The following STXBP5L variants were observed in gnomAD, a reference collection of about 807,000 sequenced individuals.
The protein encoded by STXBP5L is syntaxin binding protein 5L.
STXBP5L carries 65 observed loss-of-function variants against 144.5 expected under a neutral mutation model. The ratio of observed to expected loss-of-function variants is 0.45; its 90% CI spans 0.37 to 0.55. The LOEUF (loss-of-function observed/expected upper bound fraction) is 0.55. STXBP5L is among the 20% of genes least tolerant of loss of function. STXBP5L has a pLI of 0.00. For synonymous variants in STXBP5L, 505 were observed against 469.6 expected (o/e 1.08, Z -0.97); for missense variants, 1,298 against 1,405.5 (o/e 0.92, Z 1.22).
In STXBP5L at chr3:121,420,644, T is replaced by C. The variant is rs74611337; in HGVS notation, c.*1547T>C. On this transcript the variant is annotated 3_prime_UTR_variant, in exon 27 of 27. Coordinates refer to ENST00000471454, the MANE Select transcript of STXBP5L (RefSeq NM_001308330.2). ...ACATTCCAGGACCCATCCTGTAATA[T>C]GTTGTTTCGTCAAGAAAAGTTTTAA... 6.6e-6 allele frequency: 1 copy of C among 152,170 alleles called. No homozygotes were observed. The highest frequency in any genetic ancestry group is 1.5e-5 in the Non-Finnish European group (1 of 68,012). The allele number at this position is 152,170 out of a possible 1,614,324, so 9.4% of individuals were successfully genotyped here. A position where few individuals can be genotyped will look rare whatever the true frequency, so the allele number is the denominator to read the frequency against.
chr3:121,381,622 G>T, intron 22 of STXBP5L, 90 bp downstream of exon 22: 1 of 1,511,996 alleles, frequency 6.6e-7, no homozygotes, highest in Non-Finnish European at 8.9e-7. Context: ...TTGATTTGGA[G>T]CAAAGGTTAT....
At chr3:121,354,886 G>C (rs2045445084) in intron 20 of STXBP5L, among the ~76,000 whole-genome samples, 1 of 152,128 alleles carries the variant, frequency 6.6e-6, no homozygotes, top group South Asian at 2.1e-4. Context: ...AGGCAGGCTT[G>C]GTGGTGACAA....
rs558521353 is a variant in STXBP5L, at chr3:121,094,625, G to A, written c.471-20300G>A. Reference sequence around the variant, plus strand: ...CCTTTTTTTGTTTTCCATTTGCTTGGTAGATCTTCCTCCATCCTTTTATTT... The same window carrying A: ...CCTTTTTTTGTTTTCCATTTGCTTGATAGATCTTCCTCCATCCTTTTATTT... On this transcript the variant is annotated intron_variant, in intron 5 of 26. Coordinates refer to ENST00000471454, the MANE Select transcript of STXBP5L (RefSeq NM_001308330.2). Among the ~76,000 whole-genome samples the A allele has an allele frequency of 1.3e-3, 194 of 151,924 alleles. 1 individual carries two copies. Among genetic ancestry groups the A allele is most frequent in the African/African-American group, 4.5e-3 (186 of 41,410 alleles).
intron 10 of STXBP5L, among the ~76,000 whole-genome samples, chr3:121,217,860 G>T (rs889326229): frequency 5.9e-5 from 9 of 151,356 alleles, no homozygotes; most frequent in Non-Finnish European, 1.5e-5. Flanking sequence ...TACATGCCTG[G>T]ACTTTATGAC....
intron 9 of STXBP5L, among the ~76,000 whole-genome samples, chr3:121,195,515 C>A (rs2047887929): frequency 6.6e-6 from 1 of 152,090 alleles, no homozygotes; most frequent in African/African-American, 2.4e-5. Flanking sequence ...TGAGATAATG[C>A]AATATTTGTC....
rs1431687180 is a variant in STXBP5L at position 121,045,459 on chromosome 3, G to T, written c.394G>T (p.Asp132Tyr). Residue 132 changes from aspartate to tyrosine, a missense_variant, in exon 5 of 27, where the codon GAT (aspartate) becomes TAT (tyrosine). Asp to Tyr is a radical substitution (Grantham distance 160). Transcript: ENST00000471454. ...NEGALVSASS[D>Y]DTLHLWNLRQ... is the part of the protein sequence containing the mutation. ...GGGTGCCTTGGTCAGTGCAAGTTCAGATGATACACTTCATTTGTGGAACCT... is the reference window on the plus strand; with the variant it reads ...GGGTGCCTTGGTCAGTGCAAGTTCATATGATACACTTCATTTGTGGAACCT... The T allele has an allele frequency of 1.2e-5, 20 of 1,612,930 alleles. No homozygotes were observed. Among genetic ancestry groups the T allele is most frequent in the Non-Finnish European group, 1.7e-5 (20 of 1,179,418 alleles).
intron 9 of STXBP5L, among the ~76,000 whole-genome samples, chr3:121,177,330 G>T (rs1175734998): frequency 1.3e-5 from 2 of 152,058 alleles, no homozygotes; most frequent in East Asian, 3.8e-4. Flanking sequence ...AACTCACTGA[G>T]TGGGGAAAAA....
rs372148985 is a variant in STXBP5L, at chr3:121,342,309, G to A, written c.2176+23769G>A. ...AAGCCTTGAATGTATGTAATTGAGG[G>A]GCTGGCACATAACATTAGGAATTAT... On this transcript the variant is annotated intron_variant, in intron 20 of 26. Transcript: ENST00000471454. 3.3e-5 allele frequency among the ~76,000 whole-genome samples: 5 copies of A among 151,798 alleles called. No individual in the cohort carries two copies. The East Asian group carries it at 9.6e-4, about 29-fold the overall frequency.
At chr3:121,018,042 G>C (rs577606498) in intron 3 of STXBP5L, among the ~76,000 whole-genome samples, 6 of 152,292 alleles carry the variant, frequency 3.9e-5, no homozygotes, top group Middle Eastern at 3.4e-3. Context: ...TCACGCCACT[G>C]CACTCCAGCC....
intron 19 of STXBP5L, among the ~76,000 whole-genome samples, chr3:121,313,384 G>A (rs2043627111): frequency 7.6e-6 from 1 of 130,748 alleles, no homozygotes; most frequent in Non-Finnish European, 1.6e-5. Flanking sequence ...GGCTGGCCGG[G>A]CGGGGGGCTG....
At chr3:121,114,085 C>T (rs2044130280) in intron 5 of STXBP5L, among the ~76,000 whole-genome samples, 2 of 152,094 alleles carry the variant, frequency 1.3e-5, no homozygotes, top group South Asian at 4.1e-4. Context: ...TGAACTTATC[C>T]TCCTTCTCTT....
At chr3:120,945,509 G>A (rs949553006) in intron 2 of STXBP5L, among the ~76,000 whole-genome samples, 4 of 151,726 alleles carry the variant, frequency 2.6e-5, no homozygotes, top group African/African-American at 7.2e-5. Flanking sequence ...AGTATTATTT[G>A]AATAGGATAT....
intron 5 of STXBP5L, among the ~76,000 whole-genome samples, chr3:121,048,268 T>G (rs544920203): frequency 1.3e-5 from 2 of 152,136 alleles, no homozygotes; most frequent in Non-Finnish European, 2.9e-5. Context: ...TTCTCTCCAG[T>G]TGCCTTTCAC....
At chr3:120,951,973 C>T (rs1711270722) in intron 2 of STXBP5L, among the ~76,000 whole-genome samples, 1 of 151,396 alleles carries the variant, frequency 6.6e-6, no homozygotes, top group Non-Finnish European at 1.5e-5. Context: ...TACTATGCAG[C>T]CATAAAAAAT....
intron 19 of STXBP5L, among the ~76,000 whole-genome samples, chr3:121,301,562 G>A (rs1229853592): frequency 1.3e-5 from 2 of 152,048 alleles, no homozygotes; most frequent in African/African-American, 4.8e-5. Context: ...AATTGCCCTG[G>A]CCAGAACTTC....
chr3:121,347,516 G>A (rs991141842), intron 20 of STXBP5L, among the ~76,000 whole-genome samples: 2 of 152,138 alleles, frequency 1.3e-5, no homozygotes, highest in African/African-American at 4.8e-5. Flanking sequence ...TAACTTGATG[G>A]GGATGGCATT....
rs763089721 is a variant in STXBP5L at position 121,413,243 on chromosome 3, G to C, written c.3034G>C (p.Glu1012Gln). The C allele has an allele frequency of 4.3e-6, 7 of 1,610,406 alleles. No individual in the cohort carries two copies. In the South Asian group the frequency reaches 7.7e-5, roughly 18 times the overall value. ...RIARTFCFTN[E>Q]GQALYLVSPT... Reference sequence around the variant, plus strand: ...AGCACGAACATTTTGTTTTACCAATGAAGGACAGGCATTATACCTCGTCTC... The same window carrying C: ...AGCACGAACATTTTGTTTTACCAATCAAGGACAGGCATTATACCTCGTCTC... Residue 1012 changes from glutamate to glutamine, a missense_variant, in exon 24 of 27, where the codon GAA (glutamate) becomes CAA (glutamine). Physicochemically the swap from Glu to Gln is conservative, Grantham distance 29 (BLOSUM62 2). Coordinates refer to ENST00000471454, the MANE Select transcript of STXBP5L (RefSeq NM_001308330.2).
chr3:120,938,949 T>C (rs758272226), intron 2 of STXBP5L, among the ~76,000 whole-genome samples: 1 of 152,020 alleles, frequency 6.6e-6, no homozygotes, highest in Non-Finnish European at 1.5e-5. Flanking sequence ...TCCTGGCTAA[T>C]TTATTTTTAT....
chr3:121,185,575 T>C (rs1254843838), intron 9 of STXBP5L, among the ~76,000 whole-genome samples: 1 of 152,238 alleles, frequency 6.6e-6, no homozygotes, highest in African/African-American at 2.4e-5. Context: ...CATTTCTTGT[T>C]TTTGTCAGGT....
Sources: allele counts gnomAD v4.1 joint callset (sites outside exome capture counted in the v4.1 genomes callset), GRCh38; gene constraint gnomAD v4.1.1; transcripts MANE v1.5; gene names NCBI Gene and HGNC (gene_info 2026-07-23, HGNC 2026-07-21).